Variants in PCDH9 observed in about 807,000 individuals in gnomAD.
PCDH9 encodes the protein protocadherin 9, also known as protocadherin-9.
In PCDH9, 24 loss-of-function variants were observed where a neutral mutation model predicts 70.6. The ratio of observed to expected loss-of-function variants is 0.34; its 90% CI spans 0.25 to 0.48. PCDH9 has a LOEUF of 0.48. Ranked by LOEUF, PCDH9 falls within the 20% of genes least tolerant of loss-of-function variation. PCDH9 has a pLI of 0.99. For missense variants in PCDH9, 1,281 were observed against 1,503.6 expected (o/e 0.85, Z 2.45); for synonymous variants, 562 against 558.5 (o/e 1.01, Z -0.09).
At chr13:67,004,807 G>T (rs1347151375) in intron 2 of PCDH9, among the ~76,000 whole-genome samples, 1 of 151,894 alleles carries the variant, frequency 6.6e-6, no homozygotes, top group Admixed American at 6.6e-5. Flanking sequence ...TATGGGATTT[G>T]GGGAATGATT....
Position 66,395,794 on chromosome 13 carries a change from T to C in PCDH9, c.3341-90766A>G, listed in dbSNP as rs995596341. Among the ~76,000 whole-genome samples the C allele has an allele frequency of 6.6e-5, 10 of 152,176 alleles. No homozygotes were observed. In the East Asian group the frequency reaches 2.0e-3, roughly 30 times the overall value. ...AGTATAAACCATGTGGTGTAAACAT[T>C]TGTGCATTCAAAACTGCAAAAAATG... On this transcript the variant is annotated intron_variant, in intron 4 of 4. Coordinates refer to ENST00000377865, the MANE Select transcript of PCDH9 (RefSeq NM_203487.3).
chr13:67,107,649 C>A (rs917736863), intron 2 of PCDH9, among the ~76,000 whole-genome samples: 1 of 152,170 alleles, frequency 6.6e-6, no homozygotes, highest in Non-Finnish European at 1.5e-5. Context: ...AAGCTCCTCT[C>A]CACCTTGCTC....
At chr13:66,814,568 C>G (rs1314300601) in intron 3 of PCDH9, among the ~76,000 whole-genome samples, 2 of 152,040 alleles carry the variant, frequency 1.3e-5, no homozygotes, top group African/African-American at 2.4e-5. Context: ...TTGATGCACA[C>G]ACACAAAAAA....
At chr13:66,987,202 C>T (rs553746927) in intron 2 of PCDH9, among the ~76,000 whole-genome samples, 1 of 151,962 alleles carries the variant, frequency 6.6e-6, no homozygotes, top group East Asian at 1.9e-4. Context: ...TCAATATATG[C>T]TTTGTAATAT....
At chr13:67,000,498 A>T (rs1454821631) in intron 2 of PCDH9, among the ~76,000 whole-genome samples, 3 of 21,142 alleles carry the variant, frequency 1.4e-4, no homozygotes, top group Admixed American at 6.1e-4. Flanking sequence ...AAAATAAAAT[A>T]AAAAAAAGAC....
chr13:66,992,406 G>A (rs1269846429), intron 2 of PCDH9, among the ~76,000 whole-genome samples: 1 of 152,108 alleles, frequency 6.6e-6, no homozygotes, highest in African/African-American at 2.4e-5. Flanking sequence ...TTCATACCAA[G>A]CCTTCAGAAA....
chr13:66,886,700 G>A (rs2082009934), intron 3 of PCDH9, among the ~76,000 whole-genome samples: 1 of 152,202 alleles, frequency 6.6e-6, no homozygotes, highest in South Asian at 2.1e-4. Flanking sequence ...ATTATAACTA[G>A]GTATCAGTAA....
At chr13:66,729,874 C>A (rs573527193) in intron 3 of PCDH9, among the ~76,000 whole-genome samples, 3 of 152,132 alleles carry the variant, frequency 2.0e-5, no homozygotes, top group Non-Finnish European at 4.4e-5. Flanking sequence ...CTAAGTCAGA[C>A]CATTTTACAT....
At chr13:66,414,019 G>A (rs1566307070) in intron 4 of PCDH9, among the ~76,000 whole-genome samples, 1 of 151,574 alleles carries the variant, frequency 6.6e-6, no homozygotes, top group Non-Finnish European at 1.5e-5. Context: ...TAGAAAAGGG[G>A]CTTTTTTTTC....
At chr13:67,167,160 G>T (rs9541026) in intron 2 of PCDH9, among the ~76,000 whole-genome samples, 9 of 151,934 alleles carry the variant, frequency 5.9e-5, no homozygotes, top group African/African-American at 1.9e-4. Context: ...TTAGTGAAAT[G>T]GTTAAGAGCA....
chr13:66,880,838 C>A (rs975100434), intron 3 of PCDH9, among the ~76,000 whole-genome samples: 1 of 152,092 alleles, frequency 6.6e-6, no homozygotes, highest in East Asian at 1.9e-4. Flanking sequence ...AACTAGAGAG[C>A]AATTGCTTAT....
chr13:66,384,811 C>A (rs1956902399), intron 4 of PCDH9, among the ~76,000 whole-genome samples: 1 of 147,298 alleles, frequency 6.8e-6, no homozygotes, highest in African/African-American at 2.5e-5. Flanking sequence ...ATTACAGGCA[C>A]CTGCCACCAC....
intron 4 of PCDH9, among the ~76,000 whole-genome samples, chr13:66,445,462 A>G: frequency 7.0e-6 from 1 of 142,188 alleles, no homozygotes; most frequent in East Asian, 2.0e-4. Flanking sequence ...ATATACACAT[A>G]TATATAATAT....
chr13:67,028,689 C>G (rs1019701122), intron 2 of PCDH9, among the ~76,000 whole-genome samples: 2 of 151,510 alleles, frequency 1.3e-5, no homozygotes, highest in African/African-American at 4.8e-5. Context: ...TTTTTTTGTC[C>G]TTTCATCCTA....
chr13:67,161,502 G>C (rs2087957901), intron 2 of PCDH9, among the ~76,000 whole-genome samples: 1 of 151,938 alleles, frequency 6.6e-6, no homozygotes, highest in Non-Finnish European at 1.5e-5. Context: ...TTTCCCTCTT[G>C]TTCTAAACAC....
chr13:66,445,852 A>G (rs990462077), intron 4 of PCDH9, among the ~76,000 whole-genome samples: 1 of 149,150 alleles, frequency 6.7e-6, no homozygotes, highest in African/African-American at 2.4e-5. Flanking sequence ...GCATACACAT[A>G]TATAAAGAAA....
intron 3 of PCDH9, among the ~76,000 whole-genome samples, chr13:66,873,511 T>TG (rs1243339740): frequency 1.4e-4 from 22 of 152,170 alleles, no homozygotes; most frequent in Admixed American, 1.4e-3. Flanking sequence ...TATTCTACTG[T>TG]GGTTCTCCCT....
chr13:66,783,057 T>C (rs1467741014), intron 3 of PCDH9, among the ~76,000 whole-genome samples: 2 of 152,174 alleles, frequency 1.3e-5, no homozygotes, highest in Admixed American at 1.3e-4. Context: ...TTTAGCTTGT[T>C]GAAGGTCTCA....
intron 4 of PCDH9, among the ~76,000 whole-genome samples, chr13:66,607,401 A>G (rs529676160): frequency 6.6e-6 from 1 of 152,228 alleles, no homozygotes; most frequent in South Asian, 2.1e-4. Context: ...CTTACAAATT[A>G]TGTAGTGACT....
Sources: gnomAD v4.1 joint callset for allele counts (sites outside exome capture counted in the v4.1 genomes callset) on GRCh38, gnomAD v4.1.1 for gene constraint, MANE v1.5 for transcripts, NCBI Gene and HGNC (gene_info 2026-07-23, HGNC 2026-07-21) for gene names.